Variants in LRFN2 observed in about 807,000 individuals in gnomAD.
LRFN2 encodes leucine rich repeat and fibronectin type III domain containing 2.
A neutral mutation model predicts 37.3 loss-of-function variants in LRFN2; 18 were observed. The observed-to-expected ratio is 0.48, with a 90% CI of 0.33 to 0.72. The LOEUF is 0.72. LRFN2 is among the 30% of genes least tolerant of loss of function. The probability of loss-of-function intolerance (pLI) is 0.02; values close to 1 mark genes in which losing one functional copy is unlikely to be tolerated. For synonymous variants in LRFN2, 556 were observed against 466.6 expected, an observed-to-expected ratio of 1.19 and a Z score of -2.47; for missense variants, 1,006 against 1,060.7, an observed-to-expected ratio of 0.95 and a Z score of 0.72.
At position 40,392,056 on chromosome 6, in the gene LRFN2, T is replaced by A; in HGVS notation, c.2257A>T (p.Thr753Ser). The A allele has an allele frequency of 6.2e-7, 1 of 1,614,010 alleles. No individual in the cohort carries two copies. The highest frequency in any genetic ancestry group is 8.5e-7 in the Non-Finnish European group (1 of 1,179,980). The change falls in exon 3 of 3, where the codon ACG (threonine) becomes TCG (serine). Residue 753 changes from threonine to serine, a missense_variant. Transcript: ENST00000338305. This position sits in a 1 kb window ranked among gnomAD's most constrained non-coding sequence, Gnocchi z 4.7. Reference protein sequence around the residue: ...SPPRKVSNIWTKRSLSVNGML... With the variant: ...SPPRKVSNIWSKRSLSVNGML... ...CCGTTGACAGAGAGGCTGCGCTTCGTCCAGATGTTCGAGACCTTCCGAGGA... is the reference window on the plus strand; with the variant it reads ...CCGTTGACAGAGAGGCTGCGCTTCGACCAGATGTTCGAGACCTTCCGAGGA...
At chr6:40,492,127 G>A (rs924548375) in intron 1 of LRFN2, among the ~76,000 whole-genome samples, 2 of 152,232 alleles carry the variant, frequency 1.3e-5, no homozygotes, top group African/African-American at 4.8e-5. Flanking sequence ...AAGGGACCCT[G>A]TGGTCTAAGG....
In LRFN2 at chr6:40,392,206, C is replaced by A; in HGVS notation, c.2107G>T (p.Ala703Ser). 1 of 1,570,148 alleles carries A rather than the reference C, an allele frequency of 6.4e-7. No individual in the cohort carries two copies. The part of the protein sequence containing the change: ...SDREPLLGPP[A>S]ARARSLLPLP... ...GGGAGCAGGCTCCTGGCCCGGGCCG[C>A]AGGGGGCCCCAGCAGTGGCTCTCGG... Residue 703 changes from alanine (A) to serine (S), a missense_variant, in exon 3 of 3, where the codon GCG (alanine) becomes TCG (serine). Physicochemically the swap from Ala to Ser is moderately conservative, Grantham distance 99 (BLOSUM62 1). Coordinates refer to ENST00000338305, the MANE Select transcript of LRFN2 (RefSeq NM_020737.3). This position sits in a 1 kb window ranked among gnomAD's most constrained non-coding sequence, Gnocchi z 4.7.
At chr6:40,539,963 A>G (rs1766521638) in intron 1 of LRFN2, among the ~76,000 whole-genome samples, 1 of 152,142 alleles carries the variant, frequency 6.6e-6, no homozygotes, top group Non-Finnish European at 1.5e-5. Context: ...AGATGCCAGG[A>G]GAGAACAGAG....
chr6:40,467,403 G>C (rs1233038960), intron 1 of LRFN2, among the ~76,000 whole-genome samples: 2 of 152,076 alleles, frequency 1.3e-5, no homozygotes, highest in Non-Finnish European at 2.9e-5. Context: ...CTCTGAGCTA[G>C]AGCCAAGACC....
intron 1 of LRFN2, among the ~76,000 whole-genome samples, chr6:40,516,141 A>C (rs1236177093): frequency 6.6e-6 from 1 of 151,726 alleles, no homozygotes; most frequent in Non-Finnish European, 1.5e-5. Context: ...TTAGACTCAA[A>C]CTCTGGTCTC....
intron 2 of LRFN2, among the ~76,000 whole-genome samples, chr6:40,398,024 G>C (rs969917337): frequency 2.6e-5 from 4 of 151,944 alleles, no homozygotes; most frequent in Non-Finnish European, 2.9e-5. Flanking sequence ...AAAAACACTG[G>C]CCTGCAACAG....
At position 40,570,843 on chromosome 6, in the gene LRFN2, CA is replaced by C. The variant is rs1767174405; in HGVS notation, c.-19+16097del. ...TTCTAGTAAATGTTCATGGTTCCCTCAGGGTGCTAGACATGGGGAGAAGGCA... is the reference window on the plus strand; with the variant it reads ...TTCTAGTAAATGTTCATGGTTCCCTCGGGTGCTAGACATGGGGAGAAGGCA... On this transcript the variant is annotated intron_variant, in intron 1 of 2. Transcript: ENST00000338305. Among the ~76,000 whole-genome samples the C allele has an allele frequency of 2.0e-5, 3 of 152,234 alleles. No individual in the cohort carries two copies. The South Asian group carries it at 6.2e-4, about 32-fold the overall frequency.
chr6:40,531,671 C>G (rs905750849), intron 1 of LRFN2, among the ~76,000 whole-genome samples: 1 of 152,060 alleles, frequency 6.6e-6, no homozygotes, highest in Non-Finnish European at 1.5e-5. Context: ...TTTATGAGGC[C>G]GATTCCCATG....
At chr6:40,407,320 C>T (rs1762868325) in intron 2 of LRFN2, among the ~76,000 whole-genome samples, 2 of 151,728 alleles carry the variant, frequency 1.3e-5, no homozygotes, top group African/African-American at 4.8e-5. Flanking sequence ...AGAGTGTAGG[C>T]TTTGGACTCA....
intron 1 of LRFN2, among the ~76,000 whole-genome samples, chr6:40,514,527 C>T (rs1328177341): frequency 2.6e-5 from 4 of 152,022 alleles, no homozygotes; most frequent in Non-Finnish European, 5.9e-5. Flanking sequence ...GTTGACCAAG[C>T]TGATCTTGAA....
rs1438630314 is a variant in LRFN2 at position 40,420,014 on chromosome 6, TC to T, written c.1400+11699del. ...TAACAGATCTCTTCCATGCTTCATT[TC>T]CTGCCGCTCACCTCCTTTACAATGC... is the stretch of plus-strand genomic sequence containing the variant. On this transcript the variant is annotated intron_variant, in intron 2 of 2. Coordinates refer to ENST00000338305, the MANE Select transcript of LRFN2 (RefSeq NM_020737.3). Among the ~76,000 whole-genome samples the T allele has an allele frequency of 1.1e-4, 16 of 152,238 alleles. No homozygotes were observed. The South Asian group carries it at 3.3e-3, about 32-fold the overall frequency.
intron 1 of LRFN2, among the ~76,000 whole-genome samples, chr6:40,518,504 T>C (rs1353425432): frequency 3.3e-5 from 5 of 152,170 alleles, no homozygotes; most frequent in Non-Finnish European, 5.9e-5. Context: ...TGCTCCCTCC[T>C]TGAAAATCTA....
At position 40,517,888 on chromosome 6, in the gene LRFN2, A is replaced by G. The variant is rs138441620; in HGVS notation, c.-19+69053T>C. On this transcript the variant is annotated intron_variant, in intron 1 of 2. Transcript: ENST00000338305. ...ATGACAACAGAGACTGAATCACTCA[A>G]TCAAAGTTCACATGAGCTAAGAGGG... Among the ~76,000 whole-genome samples, 25 of 152,194 alleles carry G rather than the reference A, an allele frequency of 1.6e-4. No homozygotes were observed. The East Asian group carries it at 4.5e-3, about 27-fold the overall frequency.
At chr6:40,541,749 G>A (rs1766559099) in intron 1 of LRFN2, among the ~76,000 whole-genome samples, 1 of 152,230 alleles carries the variant, frequency 6.6e-6, no homozygotes, top group South Asian at 2.1e-4. Context: ...GTTCTCACTT[G>A]CAGAAGATGC....
chr6:40,435,634 G>A (rs1326794631), intron 1 of LRFN2, among the ~76,000 whole-genome samples: 1 of 151,996 alleles, frequency 6.6e-6, no homozygotes, highest in Non-Finnish European at 1.5e-5. Context: ...TGCCTCCCAG[G>A]TTCACGCCAT....
intron 2 of LRFN2, among the ~76,000 whole-genome samples, chr6:40,422,457 G>A (rs1418788280): frequency 2.0e-5 from 3 of 151,822 alleles, no homozygotes; most frequent in Admixed American, 2.0e-4. Flanking sequence ...TTGGTGGGGG[G>A]ATGCCACTAC....
chr6:40,396,171 C>T (rs1402696351), intron 2 of LRFN2, among the ~76,000 whole-genome samples: 1 of 152,214 alleles, frequency 6.6e-6, no homozygotes, highest in African/African-American at 2.4e-5. Flanking sequence ...TCTTTTAATA[C>T]TCCCTAACAT....
chr6:40,425,567 C>G (rs927087555), intron 2 of LRFN2, among the ~76,000 whole-genome samples: 2 of 152,228 alleles, frequency 1.3e-5, no homozygotes, highest in African/African-American at 4.8e-5. Context: ...CAAACTTCCC[C>G]TACCCCTCAT....
chr6:40,577,788 A>AAT (rs67045812), intron 1 of LRFN2, among the ~76,000 whole-genome samples: 62,329 of 142,060 alleles, frequency 0.44, 14,124 homozygotes, highest in Middle Eastern at 0.55. Flanking sequence ...AAAAAAGGAA[A>AAT]AAATAAATAA....
Sources: allele counts gnomAD v4.1 joint callset (sites outside exome capture counted in the v4.1 genomes callset), GRCh38; gene constraint gnomAD v4.1.1; non-coding constraint Gnocchi (gnomAD v3.1); transcripts MANE v1.5; gene names NCBI Gene and HGNC (gene_info 2026-07-23, HGNC 2026-07-21).